Variants in SNX29 observed in about 807,000 individuals in gnomAD.
The protein encoded by SNX29 is sorting nexin 29.
A neutral mutation model predicts 102.1 loss-of-function variants in SNX29; 78 were observed. That is an observed-to-expected ratio of 0.76 (90% confidence interval 0.64 to 0.92). The LOEUF (loss-of-function observed/expected upper bound fraction) is 0.92. Ranked by LOEUF, SNX29 falls within the 40% of genes least tolerant of loss-of-function variation. The probability of loss-of-function intolerance (pLI) is 0.00; values close to 1 mark genes in which losing one functional copy is unlikely to be tolerated. For missense variants in SNX29, 1,280 were observed against 1,061.7 expected (o/e 1.21, Z -2.86); for synonymous variants, 580 against 414.5 (o/e 1.40, Z -4.85).
chr16:12,018,961 G>GT (rs71408227), intron 3 of SNX29, among the ~76,000 whole-genome samples: 6,032 of 149,712 alleles, frequency 0.04, 167 homozygotes, highest in South Asian at 0.096. Flanking sequence ...TTGTAGATCT[G>GT]TTTTTTTTTA....
At chr16:12,499,395 C>T (rs963526165) in intron 19 of SNX29, among the ~76,000 whole-genome samples, 3 of 152,166 alleles carry the variant, frequency 2.0e-5, no homozygotes, top group African/African-American at 4.8e-5. Flanking sequence ...TGCCAGCACC[C>T]GAGCAGGGCA....
chr16:12,316,898 G>C (rs1433735211), intron 15 of SNX29, among the ~76,000 whole-genome samples: 1 of 152,212 alleles, frequency 6.6e-6, no homozygotes, highest in African/African-American at 2.4e-5. Flanking sequence ...ATTGAGTAGA[G>C]AGACAGGTTT....
At chr16:12,044,682 G>A (rs1272746857) in intron 5 of SNX29, among the ~76,000 whole-genome samples, 1 of 152,092 alleles carries the variant, frequency 6.6e-6, no homozygotes, top group African/African-American at 2.4e-5. Context: ...GGCTTCAAGC[G>A]ATTCTCCTGC....
intron 4 of SNX29, among the ~76,000 whole-genome samples, chr16:12,031,898 G>A (rs965302910): frequency 2.0e-5 from 3 of 152,088 alleles, no homozygotes; most frequent in African/African-American, 7.2e-5. Flanking sequence ...ACAATTCAGT[G>A]TAAGTGTACT....
intron 4 of SNX29, among the ~76,000 whole-genome samples, chr16:12,038,175 T>C (rs968038008): frequency 6.6e-6 from 1 of 152,178 alleles, no homozygotes; most frequent in Non-Finnish European, 1.5e-5. Context: ...TTTTCCCTCA[T>C]AGCAATCCAT....
intron 20 of SNX29, among the ~76,000 whole-genome samples, chr16:12,558,300 G>A (rs988700875): frequency 1.3e-5 from 2 of 152,100 alleles, no homozygotes; most frequent in Non-Finnish European, 2.9e-5. Flanking sequence ...ACGCGAGATG[G>A]CCCCTGGTCA....
At chr16:12,470,285 C>T (rs1197036404) in intron 18 of SNX29, among the ~76,000 whole-genome samples, 1 of 152,194 alleles carries the variant, frequency 6.6e-6, no homozygotes, top group Non-Finnish European at 1.5e-5. Context: ...GCAGGGGCAG[C>T]CTGACATGTT....
intron 15 of SNX29, among the ~76,000 whole-genome samples, chr16:12,334,211 G>A (rs1350307265): frequency 6.6e-6 from 1 of 152,186 alleles, no homozygotes; most frequent in African/African-American, 2.4e-5. Flanking sequence ...GCAGTCTGGA[G>A]ATCTTTGGGA....
chr16:12,321,880 C>T (rs2080943984), intron 15 of SNX29, among the ~76,000 whole-genome samples: 1 of 152,176 alleles, frequency 6.6e-6, no homozygotes, highest in Admixed American at 6.5e-5. Context: ...GATATCACAG[C>T]TGTGCCAGGG....
chr16:12,364,619 GAC>G lies in SNX29; in HGVS notation c.1899+8344_1899+8345del, dbSNP rs558460289. Among the ~76,000 whole-genome samples the G allele has an allele frequency of 2.6e-5, 4 of 152,280 alleles. No homozygotes were observed. The South Asian group carries it at 8.3e-4, about 32-fold the overall frequency. ...CTGCAAGTTATAGAGGTCAATTAAA[GAC>G]ACAGCGCGGTGAAAGCTAAAGGTGA... On this transcript the variant is annotated intron_variant, in intron 16 of 20. Coordinates refer to ENST00000566228, the MANE Select transcript of SNX29 (RefSeq NM_032167.5).
At chr16:12,063,626 C>T (rs754255535) in intron 9 of SNX29, among the ~76,000 whole-genome samples, 1 of 151,970 alleles carries the variant, frequency 6.6e-6, no homozygotes, top group Non-Finnish European at 1.5e-5. Flanking sequence ...TGATCCACCT[C>T]CTTGGCCTCC....
rs1003625286 is a variant in SNX29, at chr16:12,568,847, G to C, written c.*218G>C. Reference sequence around the variant, plus strand: ...GAGACCAAGGCAGCACCTCGCTGGAGAGACTGGGACACACAGTCCTTCTGC... The same window carrying C: ...GAGACCAAGGCAGCACCTCGCTGGACAGACTGGGACACACAGTCCTTCTGC... On this transcript the variant is annotated 3_prime_UTR_variant, in exon 21 of 21. Coordinates refer to ENST00000566228, the MANE Select transcript of SNX29 (RefSeq NM_032167.5). 8.7e-5 allele frequency: 60 copies of C among 689,578 alleles called. 1 individual carries two copies. The highest frequency in any genetic ancestry group is 1.3e-4 in the Non-Finnish European group (56 of 427,860). 42.7% of individuals were successfully genotyped at this position (689,578 alleles called of 1,614,324 possible).
At chr16:12,553,752 C>T (rs927281373) in intron 20 of SNX29, among the ~76,000 whole-genome samples, 2 of 152,082 alleles carry the variant, frequency 1.3e-5, no homozygotes, top group East Asian at 1.9e-4. Flanking sequence ...CACCCCCAGC[C>T]TAGTTTTTTT....
chr16:12,421,093 A>G (rs2084855286), intron 18 of SNX29, among the ~76,000 whole-genome samples: 1 of 152,204 alleles, frequency 6.6e-6, no homozygotes, highest in Non-Finnish European at 1.5e-5. Flanking sequence ...CGGCACAGGA[A>G]GGTTAAGTGC....
chr16:12,387,701 G>A (rs2083386620), intron 16 of SNX29, among the ~76,000 whole-genome samples: 1 of 152,160 alleles, frequency 6.6e-6, no homozygotes, highest in Admixed American at 6.5e-5. Flanking sequence ...GTTAATAAGT[G>A]TTGAGGCCCG....
At chr16:12,214,814 T>C (rs965378737) in intron 14 of SNX29, among the ~76,000 whole-genome samples, 6 of 152,212 alleles carry the variant, frequency 3.9e-5, no homozygotes, top group Non-Finnish European at 8.8e-5. Context: ...ATCCATGATT[T>C]CCCTGCCATC....
At chr16:12,475,847 A>G (rs1251943563) in intron 18 of SNX29, among the ~76,000 whole-genome samples, 1 of 152,250 alleles carries the variant, frequency 6.6e-6, no homozygotes. Context: ...CTGTATTTCA[A>G]AAGCGGCCAA....
At chr16:12,061,707 G>A (rs966199501) in intron 9 of SNX29, 61 bp downstream of exon 9, 1 of 1,429,086 alleles carries the variant, frequency 7.0e-7, no homozygotes, top group Non-Finnish European at 9.7e-7. Context: ...GAACCAGCAG[G>A]AATGTCTGAG....
At chr16:12,559,427 A>C (rs570692824) in intron 20 of SNX29, among the ~76,000 whole-genome samples, 228 of 151,514 alleles carry the variant, frequency 1.5e-3, no homozygotes, top group African/African-American at 4.7e-3. Flanking sequence ...GCAGGAAAAC[A>C]AGCTCAGGGC....
Sources: allele counts gnomAD v4.1 joint callset (sites outside exome capture counted in the v4.1 genomes callset), GRCh38; gene constraint gnomAD v4.1.1; transcripts MANE v1.5; gene names NCBI Gene and HGNC (gene_info 2026-07-23, HGNC 2026-07-21).